MMS19: variants seen among roughly 807,000 people sequenced by gnomAD.
The protein encoded by MMS19 is MMS19 nucleotide excision repair protein homolog.
In MMS19, 77 loss-of-function variants were observed where a neutral mutation model predicts 129.8. The observed-to-expected ratio is 0.59, with a 90% CI of 0.49 to 0.72. The LOEUF is 0.72. Ranked by LOEUF, MMS19 falls within the 30% of genes least tolerant of loss-of-function variation. The pLI is 0.00. For missense variants in MMS19, 1,168 were observed against 1,266.3 expected (o/e 0.92, Z 1.18); for synonymous variants, 491 against 502.8 (o/e 0.98, Z 0.31).
intron 2 of MMS19, among the ~76,000 whole-genome samples, chr10:97,482,763 CACACAT>C (rs2037084353): frequency 1.3e-5 from 2 of 148,632 alleles, no homozygotes; most frequent in South Asian, 2.1e-4. Context: ...CACACACACA[CACACAT>C]ATATTTTTTG....
At position 97,471,854 on chromosome 10, in the gene MMS19, CTG is replaced by C. The variant is rs2034775892; in HGVS notation, c.685-995_685-994del. 2.6e-5 allele frequency among the ~76,000 whole-genome samples: 4 copies of C among 152,142 alleles called. No homozygotes were observed. The South Asian group carries it at 8.3e-4, about 32-fold the overall frequency. ...CTGGACTTTGATAGAAAAGATAAAA[CTG>C]TGGAATTCTCTTATAAAGTAACAAA... On this transcript the variant is annotated intron_variant, in intron 8 of 30. Transcript: ENST00000438925.
At chr10:97,486,110 G>A (rs1364983540) in intron 1 of MMS19, among the ~76,000 whole-genome samples, 1 of 152,318 alleles carries the variant, frequency 6.6e-6, no homozygotes, top group Non-Finnish European at 1.5e-5. Context: ...AAAATGTGAC[G>A]TGTGTGTACA....
intron 19 of MMS19, chr10:97,462,934 G>A (rs2032418055): frequency 2.6e-6 from 1 of 387,470 alleles, no homozygotes; most frequent in Non-Finnish European, 4.6e-6. Flanking sequence ...GGGAAAGAGG[G>A]ATAGCTAAGA....
chr10:97,469,018 C>A lies in MMS19; in HGVS notation c.1011G>T (p.Leu337=). The A allele has an allele frequency of 6.3e-7, 1 of 1,587,290 alleles. No individual in the cohort carries two copies. The highest frequency in any genetic ancestry group is 2.3e-5 in the East Asian group (1 of 43,512). The part of the protein sequence containing the change: ...SLTACLSRSV[L]RADAEDLLDS... ...CAAGGAGGTCCTCAGCATCAGCCCT[C>A]AGCACAGAGCGAGACAAACACGCAG... The change falls in exon 12 of 31, where the codon CTG becomes CTT. Residue 337 remains leucine (L), a synonymous_variant. Transcript: ENST00000438925.
intron 1 of MMS19, among the ~76,000 whole-genome samples, chr10:97,491,970 G>A (rs1349000403): frequency 6.6e-6 from 1 of 151,436 alleles, no homozygotes; most frequent in Non-Finnish European, 1.5e-5. Context: ...GCAAAAACCT[G>A]TCTCTACTAA....
At position 97,463,954 on chromosome 10, in the gene MMS19, CCATCTGTCTGAGGCTCTGACAGA is replaced by C. The variant is rs1338814775; in HGVS notation, c.1793_1815del (p.Val598GlyfsTer9). On this transcript the variant is annotated frameshift_variant, in exon 19 of 31. Transcript: ENST00000438925. LOFTEE classifies it high-confidence loss of function. Reference sequence around the variant, plus strand: ...TCAGGGTCCTGCTGACATTTTTCTGCCATCTGTCTGAGGCTCTGACAGACAGCAATAACGTCACTGGATTGTGC... The same window carrying C: ...TCAGGGTCCTGCTGACATTTTTCTGCCAGCAATAACGTCACTGGATTGTGC... 1 of 1,613,080 alleles carries C rather than the reference CCATCTGTCTGAGGCTCTGACAGA, an allele frequency of 6.2e-7. No homozygotes were observed. Among genetic ancestry groups the C allele is most frequent in the African/African-American group, 1.3e-5 (1 of 75,056 alleles).
intron 1 of MMS19, among the ~76,000 whole-genome samples, chr10:97,495,158 T>C (rs2039560066): frequency 6.6e-6 from 1 of 152,102 alleles, no homozygotes; most frequent in East Asian, 1.9e-4. Context: ...TGAAGGGAAT[T>C]GGGAAGGAAA....
At chr10:97,489,824 G>A (rs141910398) in intron 1 of MMS19, among the ~76,000 whole-genome samples, 4 of 152,152 alleles carry the variant, frequency 2.6e-5, no homozygotes, top group African/African-American at 9.7e-5. Context: ...CTGGGGTTAT[G>A]GGTTTTAAAA....
intron 8 of MMS19, among the ~76,000 whole-genome samples, chr10:97,474,666 T>C (rs530894962): frequency 4.6e-5 from 7 of 152,350 alleles, no homozygotes; most frequent in Admixed American, 4.6e-4. Context: ...TTTTAATTAA[T>C]ATCTTGATAA....
At chr10:97,472,421 G>T (rs1359606142) in intron 8 of MMS19, among the ~76,000 whole-genome samples, 1 of 152,044 alleles carries the variant, frequency 6.6e-6, no homozygotes, top group African/African-American at 2.4e-5. Flanking sequence ...TGTATTTTTA[G>T]TAGAAATGGG....
At chr10:97,498,773 T>C (rs1233567555), upstream of MMS19, 4 of 257,552 alleles carry the variant, frequency 1.6e-5, no homozygotes, top group Non-Finnish European at 2.9e-5. Context: ...CTGGGGCGGG[T>C]GGTGGCGGCG....
chr10:97,484,031 A>C, intron 2 of MMS19, 72 bp downstream of exon 2: 2 of 949,090 alleles, frequency 2.1e-6, no homozygotes, highest in Non-Finnish European at 3.2e-6. Context: ...GGAAAGCAGC[A>C]ATGCGCAAAA....
intron 16 of MMS19, 77 bp from the exon 17 acceptor site, chr10:97,466,236 T>C: frequency 8.2e-7 from 1 of 1,226,128 alleles, no homozygotes; most frequent in East Asian, 2.5e-5. Flanking sequence ...ATTAGGCAGA[T>C]TCAGGAGTGT....
At position 97,468,396 on chromosome 10, in the gene MMS19, G is replaced by A. The variant is rs1471544735; in HGVS notation, c.1074C>T (p.His358=). 3 of 1,607,240 alleles carry A rather than the reference G, an allele frequency of 1.9e-6. No individual in the cohort carries two copies. The highest frequency in any genetic ancestry group is 2.6e-6 in the Non-Finnish European group (3 of 1,175,678). The part of the protein sequence containing the change: ...FLSNILQDCR[H]HLCEPDMKLV... Reference sequence around the variant, plus strand: ...GTTTCATGTCCGGTTCACACAGGTGGTGCCTGCAGTCTAGAGAAGCAGCAC... The same window carrying A: ...GTTTCATGTCCGGTTCACACAGGTGATGCCTGCAGTCTAGAGAAGCAGCAC... The change falls in exon 13 of 31, where the codon CAC becomes CAT. Residue 358 remains histidine, a synonymous_variant. Transcript: ENST00000438925.
chr10:97,458,802 C>G lies in MMS19; in HGVS notation c.3063G>C (p.Glu1021Asp). The change falls in exon 30 of 31, where the codon GAG (glutamate) becomes GAC (aspartate). Residue 1021 changes from glutamate to aspartate, a missense_variant and splice_region_variant. By Grantham distance (45) the Glu-to-Asp change is conservative. This residue lies in a region of MMS19 where 831 missense variants were observed against 910.8 expected (regional missense o/e 0.91). Coordinates refer to ENST00000438925, the MANE Select transcript of MMS19 (RefSeq NM_022362.5). ...VRKEAVSARG[E>D]WFLLGSPGS ...CTCCCCACGACCTAGAAACTCACCACTCCCCTCTGGCTGACACTGCTTCCT... is the reference window on the plus strand; with the variant it reads ...CTCCCCACGACCTAGAAACTCACCAGTCCCCTCTGGCTGACACTGCTTCCT... The G allele has an allele frequency of 6.2e-7, 1 of 1,613,996 alleles. No individual in the cohort carries two copies. Among genetic ancestry groups the G allele is most frequent in the Non-Finnish European group, 8.5e-7 (1 of 1,179,890 alleles).
At chr10:97,483,969 A>C in intron 2 of MMS19, 134 bp downstream of exon 2, 1 of 607,736 alleles carries the variant, frequency 1.6e-6, no homozygotes, top group Non-Finnish European at 2.9e-6. Flanking sequence ...GCTTAGACTG[A>C]GGTACTAATA....
At chr10:97,475,613 C>G (rs1209448662) in intron 8 of MMS19, among the ~76,000 whole-genome samples, 1 of 152,150 alleles carries the variant, frequency 6.6e-6, no homozygotes, top group East Asian at 1.9e-4. Flanking sequence ...TGGCGGGCGC[C>G]TGTAATCCCA....
chr10:97,460,553 C>T, intron 25 of MMS19, 142 bp downstream of exon 25: 1 of 745,238 alleles, frequency 1.3e-6, no homozygotes, highest in Non-Finnish European at 2.3e-6. Flanking sequence ...GCCTGGGTGA[C>T]AGAGTAAGAC....
intron 5 of MMS19, 146 bp downstream of exon 5, chr10:97,477,709 T>A: frequency 1.5e-6 from 1 of 672,902 alleles, no homozygotes; most frequent in Admixed American, 3.1e-5. Context: ...AAGATGAGCA[T>A]ATAAACATAC....
Sources: gnomAD v4.1 joint callset for allele counts (sites outside exome capture counted in the v4.1 genomes callset) on GRCh38, gnomAD v4.1.1 for gene constraint, gnomAD v4.1.1 regional missense constraint, MANE v1.5 for transcripts, NCBI Gene and HGNC (gene_info 2026-07-23, HGNC 2026-07-21) for gene names.